The following SHANK2 variants were observed in gnomAD, a reference collection of about 807,000 sequenced individuals.
The protein encoded by SHANK2 is SH3 and multiple ankyrin repeat domains 2.
In SHANK2, 43 loss-of-function variants were observed where a neutral mutation model predicts 133.7. The ratio of observed to expected loss-of-function variants is 0.32; its 90% CI spans 0.25 to 0.41. The LOEUF is 0.41. Among genes scored for constraint, SHANK2 ranks in the 10% least tolerant of loss-of-function variants. SHANK2 has a pLI of 1.00. For synonymous variants in SHANK2, 1,017 were observed against 952.8 expected, an observed-to-expected ratio of 1.07 and a Z score of -1.24; for missense variants, 1,994 against 2,235.8, an observed-to-expected ratio of 0.89 and a Z score of 2.18.
At chr11:70,778,909 G>A (rs1455410001) in intron 14 of SHANK2, among the ~76,000 whole-genome samples, 2 of 152,100 alleles carry the variant, frequency 1.3e-5, no homozygotes. Flanking sequence ...TCTGCCCACA[G>A]TGGCCACTGT....
At position 71,091,259 on chromosome 11, in the gene SHANK2, C is replaced by T. The variant is rs565304195; in HGVS notation, c.912+1163G>A. ...GGGCTGCCATGAACAGCCCCACAGA[C>T]CCCTACTCATCCCTCGGGAGGAACA... On this transcript the variant is annotated intron_variant, in intron 8 of 25. Transcript: ENST00000601538. Among the ~76,000 whole-genome samples the T allele has an allele frequency of 7.2e-5, 11 of 152,232 alleles. No homozygotes were observed. The South Asian group carries it at 2.1e-3, about 29-fold the overall frequency.
intron 15 of SHANK2, among the ~76,000 whole-genome samples, chr11:70,678,084 C>G (rs1944939267): frequency 6.6e-6 from 1 of 152,186 alleles, no homozygotes; most frequent in East Asian, 1.9e-4. Context: ...CACTTTAAAT[C>G]TTCCCCATTC....
intron 9 of SHANK2, among the ~76,000 whole-genome samples, chr11:71,068,996 A>G (rs1436216756): frequency 6.6e-6 from 1 of 150,656 alleles, no homozygotes; most frequent in Non-Finnish European, 1.5e-5. Flanking sequence ...CACCATCACT[A>G]TCAACCACTA....
At position 71,244,103 on chromosome 11, in the gene SHANK2, C is replaced by G. The variant is rs553430578; in HGVS notation, c.-113+8322G>C. Among the ~76,000 whole-genome samples, 123 of 152,306 alleles carry G rather than the reference C, an allele frequency of 8.1e-4. No individual in the cohort carries two copies. In the South Asian group the frequency reaches 8.5e-3, roughly 11 times the overall value. On this transcript the variant is annotated intron_variant, in intron 1 of 25. Transcript: ENST00000601538. The stretch of plus-strand genomic sequence containing the variant: ...CAGCCAGACACCTACAAAGTCCTCT[C>G]CACTCTCCTGTCTACACTTGCAAGC...
At chr11:70,923,609 C>T (rs782622627) in intron 10 of SHANK2, among the ~76,000 whole-genome samples, 3 of 152,134 alleles carry the variant, frequency 2.0e-5, no homozygotes, top group Non-Finnish European at 4.4e-5. Context: ...AGTGGCGTGA[C>T]GTAACCTCAG....
chr11:71,215,822 C>A (rs147368531), intron 2 of SHANK2, among the ~76,000 whole-genome samples: 2 of 152,170 alleles, frequency 1.3e-5, no homozygotes, highest in Non-Finnish European at 2.9e-5. Flanking sequence ...AGACCACAAC[C>A]TTTTTAGGGA....
At chr11:70,711,280 C>T (rs1555026038) in intron 14 of SHANK2, among the ~76,000 whole-genome samples, 1 of 152,176 alleles carries the variant, frequency 6.6e-6, no homozygotes, top group African/African-American at 2.4e-5. Context: ...CGGGTGGCAA[C>T]GTGGCTGGGC....
chr11:70,545,011 G>A (rs928056976), intron 17 of SHANK2, among the ~76,000 whole-genome samples: 1 of 152,176 alleles, frequency 6.6e-6, no homozygotes, highest in Non-Finnish European at 1.5e-5. Flanking sequence ...TCTCTCACAT[G>A]CCAAGCACGG....
intron 17 of SHANK2, among the ~76,000 whole-genome samples, chr11:70,546,350 G>C (rs533681368): frequency 3.9e-5 from 6 of 151,962 alleles, no homozygotes; most frequent in Non-Finnish European, 5.9e-5. Context: ...AGAATCATGT[G>C]GTTGGTTTTT....
At chr11:70,905,171 T>C (rs3019825) in intron 10 of SHANK2, among the ~76,000 whole-genome samples, 51,631 of 151,936 alleles carry the variant, frequency 0.34, 12,077 homozygotes, top group African/African-American at 0.67. Context: ...GACAGGCAGG[T>C]GAGGAGGACC....
At position 70,807,279 on chromosome 11, in the gene SHANK2, G is replaced by T. The variant is rs567383925; in HGVS notation, c.1494-108C>A. On this transcript the variant is annotated intron_variant, in intron 12 of 25. Transcript: ENST00000601538. This position sits in a 1 kb window ranked among gnomAD's most constrained non-coding sequence, Gnocchi z 4.8. The stretch of plus-strand genomic sequence containing the variant: ...TTCAACGCATGCTGCGCCTCGGCTG[G>T]CCGCATCAGAACTCCTGATGCCAGA... 4.5e-6 allele frequency: 3 copies of T among 666,686 alleles called. No individual in the cohort carries two copies. In the East Asian group the frequency reaches 8.2e-5, roughly 18 times the overall value. The allele number at this position is 666,686 out of a possible 1,614,324, so 41.3% of individuals were successfully genotyped here.
intron 12 of SHANK2, among the ~76,000 whole-genome samples, chr11:70,814,420 T>C (rs1318716264): frequency 6.6e-6 from 1 of 151,868 alleles, no homozygotes; most frequent in African/African-American, 2.4e-5. Context: ...CCCCACTTTC[T>C]AGGTCAGGAT....
chr11:71,206,559 A>G (rs983178236), intron 2 of SHANK2, among the ~76,000 whole-genome samples: 4 of 152,168 alleles, frequency 2.6e-5, no homozygotes, highest in Non-Finnish European at 4.4e-5. Flanking sequence ...ACAGAACCAC[A>G]GCAAAATTAC....
chr11:71,060,661 C>G (rs1383990690), intron 9 of SHANK2, among the ~76,000 whole-genome samples: 1 of 152,232 alleles, frequency 6.6e-6, no homozygotes, highest in Non-Finnish European at 1.5e-5. Flanking sequence ...AGCTGTCAGC[C>G]TGAGGCCCAC....
intron 10 of SHANK2, among the ~76,000 whole-genome samples, chr11:70,921,168 T>A (rs1352321479): frequency 6.6e-6 from 1 of 152,178 alleles, no homozygotes; most frequent in African/African-American, 2.4e-5. Context: ...TAGAGGCAGA[T>A]GAATGCTCCC....
At chr11:70,573,930 C>G (rs953086742) in intron 17 of SHANK2, among the ~76,000 whole-genome samples, 1 of 152,238 alleles carries the variant, frequency 6.6e-6, no homozygotes, top group Admixed American at 6.5e-5. Flanking sequence ...GGGCTCCACA[C>G]CCTGCCCCAG....
chr11:70,657,635 G>A (rs1555011971), intron 17 of SHANK2, among the ~76,000 whole-genome samples: 1 of 152,148 alleles, frequency 6.6e-6, no homozygotes, highest in Admixed American at 6.5e-5. Context: ...AGGGCCCAGT[G>A]CTCCTTGGGT....
chr11:70,567,024 G>A (rs4272805), intron 17 of SHANK2, among the ~76,000 whole-genome samples: 110,376 of 152,068 alleles, frequency 0.73, 40,361 homozygotes, highest in South Asian at 0.85. Flanking sequence ...ATTTCCCCTC[G>A]AGGCTGGAGG....
At position 70,532,393 on chromosome 11, in the gene SHANK2, G is replaced by A. The variant is rs561140029; in HGVS notation, c.2062-29462C>T. ...ACAGCTGCTGGCATGCCTGCCTAGA[G>A]TGGGGGGCCTTCTCACATTTGCACA... is the stretch of plus-strand genomic sequence containing the variant. On this transcript the variant is annotated intron_variant, in intron 17 of 25. Coordinates refer to ENST00000601538, the MANE Select transcript of SHANK2 (RefSeq NM_012309.5). 3.3e-5 allele frequency among the ~76,000 whole-genome samples: 5 copies of A among 152,310 alleles called. No individual in the cohort carries two copies. In the East Asian group the frequency reaches 7.7e-4, roughly 24 times the overall value.
Sources: gnomAD v4.1 joint callset for allele counts (sites outside exome capture counted in the v4.1 genomes callset) on GRCh38, gnomAD v4.1.1 for gene constraint, Gnocchi (gnomAD v3.1) non-coding constraint, MANE v1.5 for transcripts, NCBI Gene and HGNC (gene_info 2026-07-23, HGNC 2026-07-21) for gene names.